Variants in KLHL1 observed in about 807,000 individuals in gnomAD.
The protein encoded by KLHL1 is kelch like family member 1, also known as kelch-like protein 1.
A neutral mutation model predicts 77.7 loss-of-function variants in KLHL1; 47 were observed. That is an observed-to-expected ratio of 0.60 (90% confidence interval 0.48 to 0.77). The LOEUF (loss-of-function observed/expected upper bound fraction) is 0.77. KLHL1 is among the 30% of genes least tolerant of loss of function. The pLI is 0.00. For missense variants in KLHL1, 925 were observed against 910.8 expected (o/e 1.02, Z -0.20); for synonymous variants, 360 against 325.2 (o/e 1.11, Z -1.15).
chr13:69,801,312 T>C (rs1288081373), intron 6 of KLHL1, among the ~76,000 whole-genome samples: 1 of 152,142 alleles, frequency 6.6e-6, no homozygotes, highest in Non-Finnish European at 1.5e-5. Context: ...GAAATCTAGA[T>C]TTTTAAAATG....
At chr13:69,824,680 A>G (rs539212463) in intron 6 of KLHL1, among the ~76,000 whole-genome samples, 4 of 152,278 alleles carry the variant, frequency 2.6e-5, no homozygotes, top group African/African-American at 7.2e-5. Context: ...ATTTATGTGA[A>G]GTCTACAAAT....
intron 1 of KLHL1, among the ~76,000 whole-genome samples, chr13:69,998,570 A>G (rs923979694): frequency 6.6e-6 from 1 of 152,086 alleles, no homozygotes; most frequent in Admixed American, 6.6e-5. Flanking sequence ...TCACATGGAA[A>G]TGTAACTCAA....
chr13:70,013,219 A>G (rs1214630750), intron 1 of KLHL1, among the ~76,000 whole-genome samples: 1 of 152,202 alleles, frequency 6.6e-6, no homozygotes, highest in Non-Finnish European at 1.5e-5. Flanking sequence ...GGACACTTCA[A>G]AGTACAACAC....
At chr13:69,802,553 A>C (rs897756534) in intron 6 of KLHL1, among the ~76,000 whole-genome samples, 7 of 152,224 alleles carry the variant, frequency 4.6e-5, no homozygotes, top group African/African-American at 1.7e-4. Flanking sequence ...TGGGACTGGT[A>C]GTTAAAGATC....
rs114424473 is a variant in KLHL1, at chr13:69,837,769, A to G, written c.1414+1207T>C. On this transcript the variant is annotated intron_variant, in intron 6 of 10. Transcript: ENST00000377844. Reference sequence around the variant, plus strand: ...GATTCTGTCTTCTGGGAAAGAGACTACCCCAGATGGAAGACATTTTATTGT... The same window carrying G: ...GATTCTGTCTTCTGGGAAAGAGACTGCCCCAGATGGAAGACATTTTATTGT... Among the ~76,000 whole-genome samples the G allele has an allele frequency of 4.8e-3, 727 of 150,052 alleles. 4 individuals are homozygous for G. The highest frequency in any genetic ancestry group is 0.017 in the African/African-American group (680 of 41,022).
intron 4 of KLHL1, among the ~76,000 whole-genome samples, chr13:69,896,380 G>T (rs1001436442): frequency 1.3e-5 from 2 of 152,036 alleles, no homozygotes; most frequent in African/African-American, 4.8e-5. Flanking sequence ...AATTTCATCT[G>T]CAAAGTACCT....
In KLHL1 at chr13:69,837,642, A is replaced by G. The variant is rs12428090; in HGVS notation, c.1414+1334T>C. Among the ~76,000 whole-genome samples, 218 of 135,120 alleles carry G rather than the reference A, an allele frequency of 1.6e-3. 6 individuals are homozygous for G. Among genetic ancestry groups the G allele is most frequent in the South Asian group, 9.5e-3 (44 of 4,636 alleles). 88.6% of individuals were successfully genotyped at this position (135,120 alleles called of 152,430 possible). On this transcript the variant is annotated intron_variant, in intron 6 of 10. Transcript: ENST00000377844. ...TATATATGTGTGTGTATATATATAT[A>G]TGTGTATATATATATGTGTGTGTGT...
chr13:69,819,466 T>C (rs1878251138), intron 6 of KLHL1, among the ~76,000 whole-genome samples: 1 of 152,184 alleles, frequency 6.6e-6, no homozygotes, highest in Non-Finnish European at 1.5e-5. Flanking sequence ...CTTCATCACC[T>C]TCCCACCACA....
At chr13:69,776,623 T>A (rs1314931772) in intron 7 of KLHL1, among the ~76,000 whole-genome samples, 1 of 152,200 alleles carries the variant, frequency 6.6e-6, no homozygotes, top group Admixed American at 6.5e-5. Flanking sequence ...AATGTAAGTT[T>A]AGCATGCACT....
intron 3 of KLHL1, among the ~76,000 whole-genome samples, chr13:69,959,305 A>T (rs1340391123): frequency 1.3e-5 from 2 of 151,872 alleles, no homozygotes; most frequent in Non-Finnish European, 2.9e-5. Context: ...AGGTTGTTAG[A>T]TCTCTGTCTT....
intron 1 of KLHL1, among the ~76,000 whole-genome samples, chr13:70,068,151 C>A (rs1381451220): frequency 1.3e-5 from 2 of 151,668 alleles, no homozygotes; most frequent in African/African-American, 4.8e-5. Context: ...ACCATCCTGG[C>A]TAACACGGTG....
intron 2 of KLHL1, among the ~76,000 whole-genome samples, chr13:69,973,954 G>T (rs892309168): frequency 6.6e-6 from 1 of 151,816 alleles, no homozygotes; most frequent in Non-Finnish European, 1.5e-5. Context: ...CTCTTGCCCC[G>T]CTTTAACCAA....
chr13:69,999,146 A>ATATGTAT lies in KLHL1; in HGVS notation c.498-23351_498-23345dup, dbSNP rs926996565. 4.6e-5 allele frequency among the ~76,000 whole-genome samples: 7 copies of ATATGTAT among 152,226 alleles called. No homozygotes were observed. The East Asian group carries it at 1.4e-3, about 29-fold the overall frequency. ...AACATATGTATTATGTAGCATATGT[A>ATATGTAT]TATGTATTATGTATTATGTACATGT... On this transcript the variant is annotated intron_variant, in intron 1 of 10. Transcript: ENST00000377844.
rs141553562 is a variant in KLHL1 at position 69,803,482 on chromosome 13, A to C, written c.1415-6520T>G. 3.8e-4 allele frequency among the ~76,000 whole-genome samples: 58 copies of C among 152,348 alleles called. 1 individual carries two copies. Among genetic ancestry groups the C allele is most frequent in the African/African-American group, 1.1e-3 (46 of 41,592 alleles). ...ATATATGCAGTGGGTAGAATTTAAA[A>C]AATTTCCCTTCCTGAGATTACATGA... On this transcript the variant is annotated intron_variant, in intron 6 of 10. Coordinates refer to ENST00000377844, the MANE Select transcript of KLHL1 (RefSeq NM_020866.3).
chr13:70,019,078 C>G (rs1057314068), intron 1 of KLHL1, among the ~76,000 whole-genome samples: 2 of 152,162 alleles, frequency 1.3e-5, no homozygotes, highest in Non-Finnish European at 2.9e-5. Context: ...GACTTGATGT[C>G]AGAGTCCAAG....
chr13:69,923,540 G>C (rs1882712404), intron 4 of KLHL1, among the ~76,000 whole-genome samples: 1 of 152,092 alleles, frequency 6.6e-6, no homozygotes, highest in Non-Finnish European at 1.5e-5. Context: ...TTTTTAAAGT[G>C]CCATCTTGAA....
intron 6 of KLHL1, among the ~76,000 whole-genome samples, chr13:69,821,069 A>G (rs578143547): frequency 1.3e-5 from 2 of 152,326 alleles, no homozygotes; most frequent in African/African-American, 4.8e-5. Context: ...ATGAAAGTTT[A>G]TGAACATTAA....
intron 4 of KLHL1, among the ~76,000 whole-genome samples, chr13:69,923,295 T>C (rs995126005): frequency 1.3e-5 from 2 of 152,206 alleles, no homozygotes; most frequent in African/African-American, 2.4e-5. Context: ...ATGGAGTCAC[T>C]GGCCCACTTT....
intron 1 of KLHL1, among the ~76,000 whole-genome samples, chr13:70,062,080 G>A (rs1886903935): frequency 6.6e-6 from 1 of 152,028 alleles, no homozygotes; most frequent in Non-Finnish European, 1.5e-5. Context: ...TCCTTAACCA[G>A]CCTCTCCCCA....
Sources: allele counts gnomAD v4.1 joint callset (sites outside exome capture counted in the v4.1 genomes callset), GRCh38; gene constraint gnomAD v4.1.1; transcripts MANE v1.5; gene names NCBI Gene and HGNC (gene_info 2026-07-23, HGNC 2026-07-21).